The following PAX5 variants were observed in gnomAD, a reference collection of about 807,000 sequenced individuals.
The protein encoded by PAX5 is paired box protein Pax-5.
Under a neutral mutation model 43.7 loss-of-function variants are expected in PAX5, and 9 were observed. The ratio of observed to expected loss-of-function variants is 0.21; its 90% confidence interval spans 0.12 to 0.36. PAX5 has a LOEUF of 0.36. Ranked by LOEUF, PAX5 falls within the 10% of genes least tolerant of loss-of-function variation. The pLI is 1.00. For missense variants in PAX5, 383 were observed against 532.7 expected (o/e 0.72, Z 2.77); for synonymous variants, 228 against 214.3 (o/e 1.06, Z -0.56).
chr9:37,033,599 TACACACACACAC>T (rs56039556), intron 1 of PAX5, among the ~76,000 whole-genome samples: 2 of 149,276 alleles, frequency 1.3e-5, no homozygotes, highest in East Asian at 3.9e-4. Context: ...AGTATAAAGA[TACACACACACAC>T]ACACACACAC....
intron 7 of PAX5, among the ~76,000 whole-genome samples, chr9:36,890,481 A>C (rs1012474652): frequency 6.6e-6 from 1 of 152,186 alleles, no homozygotes; most frequent in Non-Finnish European, 1.5e-5. Context: ...GGAAGCCTGC[A>C]CACTCCAGGC....
In PAX5 at chr9:36,881,942, A is replaced by G. The variant is rs556519070; in HGVS notation, c.1012+62T>C. 1.6e-3 allele frequency: 1,920 copies of G among 1,198,824 alleles called. 27 individuals are homozygous for G. In the African/African-American group the frequency reaches 0.025, roughly 16 times the overall value. The allele number at this position is 1,198,824 out of a possible 1,614,324, so 74.3% of individuals were successfully genotyped here. A position where few individuals can be genotyped will look rare whatever the true frequency, so the allele number is the denominator to read the frequency against. On this transcript the variant is annotated intron_variant, in intron 8 of 9. Coordinates refer to ENST00000358127, the MANE Select transcript of PAX5 (RefSeq NM_016734.3). ...GGTCACCCAGGCTGTTTGGGGGGGG[A>G]TGTCCCCCCACCGAAACCCCGTCCG... is the stretch of plus-strand genomic sequence containing the variant.
intron 8 of PAX5, among the ~76,000 whole-genome samples, chr9:36,877,378 G>T (rs559123500): frequency 6.6e-6 from 1 of 152,120 alleles, no homozygotes; most frequent in African/African-American, 2.4e-5. Flanking sequence ...GAAAGTAGTG[G>T]CAGCTAAATG....
intron 7 of PAX5, among the ~76,000 whole-genome samples, chr9:36,899,288 A>G (rs1828158153): frequency 6.6e-6 from 1 of 152,134 alleles, no homozygotes; most frequent in Non-Finnish European, 1.5e-5. Context: ...ATGCTGCTCC[A>G]CAGCCCAGCA....
chr9:36,998,355 G>C (rs1414524570), intron 5 of PAX5, among the ~76,000 whole-genome samples: 1 of 152,208 alleles, frequency 6.6e-6, no homozygotes, highest in African/African-American at 2.4e-5. Flanking sequence ...TAGTTTGTTT[G>C]TCTTTGCTCC....
chr9:37,008,877 G>T (rs1264105514), intron 3 of PAX5, among the ~76,000 whole-genome samples: 1 of 152,212 alleles, frequency 6.6e-6, no homozygotes, highest in African/African-American at 2.4e-5. Context: ...AGTTCTGGGA[G>T]TGAGGTTCTC....
At chr9:36,932,160 C>T (rs763478754) in intron 6 of PAX5, among the ~76,000 whole-genome samples, 1 of 152,134 alleles carries the variant, frequency 6.6e-6, no homozygotes, top group Non-Finnish European at 1.5e-5. Context: ...GTAGTCCCAG[C>T]TATTTTGGAG....
chr9:36,918,009 T>C (rs917005592), intron 7 of PAX5, among the ~76,000 whole-genome samples: 3 of 152,240 alleles, frequency 2.0e-5, no homozygotes, highest in Non-Finnish European at 4.4e-5. Context: ...GTGTTCTGAC[T>C]GCTCATCACT....
At chr9:36,924,744 GAA>G (rs1563973279) in intron 6 of PAX5, among the ~76,000 whole-genome samples, 4 of 97,620 alleles carry the variant, frequency 4.1e-5, no homozygotes, top group African/African-American at 1.6e-4. Context: ...TGGAAGGAAG[GAA>G]GGAAGGAAGG....
chr9:36,994,906 C>T (rs1487759364), intron 5 of PAX5, among the ~76,000 whole-genome samples: 2 of 152,174 alleles, frequency 1.3e-5, no homozygotes, highest in Admixed American at 6.5e-5. Flanking sequence ...GCCAATTCCC[C>T]CCTGGGTTCT....
rs984035588 is a variant in PAX5 at position 36,966,614 on chromosome 9, G to A, written c.715C>T (p.Arg239Cys). 5.6e-6 allele frequency: 9 copies of A among 1,614,212 alleles called. No individual in the cohort carries two copies. Among genetic ancestry groups the A allele is most frequent in the African/African-American group, 1.3e-5 (1 of 75,058 alleles). The change falls in exon 6 of 10, where the codon CGC becomes TGC. Residue 239 changes from arginine to cysteine, a missense_variant. Physicochemically the swap from Arg to Cys is radical, Grantham distance 180. This residue lies in a region of PAX5 where 291 missense variants were observed against 342.5 expected (regional missense o/e 0.85). Transcript: ENST00000358127. ...GAGTAGTGCTGCCTCTCAAACACGC[G>A]GTCCAGCACCTCCAGCTGCTGCTGT... ...FTQQQLEVLDRVFERQHYSDI... is the reference protein window; with the variant it reads ...FTQQQLEVLDCVFERQHYSDI...
intron 6 of PAX5, among the ~76,000 whole-genome samples, chr9:36,930,216 CTT>C (rs144710055): frequency 0.24 from 19,994 of 84,700 alleles, 1,385 homozygotes; most frequent in Non-Finnish European, 0.26. Flanking sequence ...GATGGATGTC[CTT>C]TTTTTTTTTT....
intron 6 of PAX5, among the ~76,000 whole-genome samples, chr9:36,945,269 C>T (rs976001609): frequency 3.3e-5 from 5 of 151,696 alleles, no homozygotes; most frequent in African/African-American, 4.8e-5. Context: ...CAGGGTCTCA[C>T]ACTCTCACCC....
chr9:36,911,907 G>A (rs1829328182), intron 7 of PAX5, among the ~76,000 whole-genome samples: 1 of 152,208 alleles, frequency 6.6e-6, no homozygotes, highest in East Asian at 1.9e-4. Context: ...GACGCCCCAG[G>A]TCTGGAGTCC....
intron 6 of PAX5, chr9:36,930,957 G>T: frequency 1.4e-6 from 1 of 735,482 alleles, no homozygotes; most frequent in Middle Eastern, 2.7e-4. Context: ...GCCATAGCAT[G>T]GAGGAGAAAA....
chr9:36,835,485 G>A lies in PAX5; in HGVS notation c.*5075C>T. 1 of 233,066 alleles carries A rather than the reference G, an allele frequency of 4.3e-6. No individual in the cohort carries two copies. Among genetic ancestry groups the A allele is most frequent in the Non-Finnish European group, 8.5e-6 (1 of 117,888 alleles). 14.4% of individuals were successfully genotyped at this position (233,066 alleles called of 1,614,324 possible). A position where few individuals can be genotyped will look rare whatever the true frequency, so the allele number is the denominator to read the frequency against. ...CGAGGTGCAGCCGAGCTGACAGTGG[G>A]GAAGTACACATCAGCACTGTGGTTC... On this transcript the variant is annotated 3_prime_UTR_variant, in exon 10 of 10. Coordinates refer to ENST00000358127, the MANE Select transcript of PAX5 (RefSeq NM_016734.3).
Position 36,966,600 on chromosome 9 carries a change from C to A in PAX5, c.729G>T (p.Arg243Ser). 2 of 1,614,194 alleles carry A rather than the reference C, an allele frequency of 1.2e-6. No homozygotes were observed. Among genetic ancestry groups the A allele is most frequent in the Non-Finnish European group, 1.7e-6 (2 of 1,180,022 alleles). ...TGGTGAAGATGTCTGAGTAGTGCTG[C>A]CTCTCAAACACGCGGTCCAGCACCT... Reference protein sequence around the residue: ...QLEVLDRVFERQHYSDIFTTT... With the variant: ...QLEVLDRVFESQHYSDIFTTT... Residue 243 changes from arginine (R) to serine (S), a missense_variant, in exon 6 of 10, where the codon AGG becomes AGT. By Grantham distance (110) the Arg-to-Ser change is moderately radical (BLOSUM62 -1). Around this residue, in one of 5 missense-constraint regions of PAX5, gnomAD observed 291 missense variants for 342.5 expected, o/e 0.85. Coordinates refer to ENST00000358127, the MANE Select transcript of PAX5 (RefSeq NM_016734.3).
intron 5 of PAX5, among the ~76,000 whole-genome samples, chr9:36,990,231 C>A (rs1388435252): frequency 6.6e-6 from 1 of 152,158 alleles, no homozygotes; most frequent in African/African-American, 2.4e-5. Context: ...ATATAACAGT[C>A]CAATCACAAG....
intron 6 of PAX5, among the ~76,000 whole-genome samples, chr9:36,959,707 G>A (rs552058861): frequency 2.4e-4 from 36 of 152,348 alleles, no homozygotes; most frequent in African/African-American, 8.4e-4. Flanking sequence ...CTGCTTGCAT[G>A]ATCAAATTGA....
Sources: gnomAD v4.1 joint callset for allele counts (sites outside exome capture counted in the v4.1 genomes callset) on GRCh38, gnomAD v4.1.1 for gene constraint, gnomAD v4.1.1 regional missense constraint, MANE v1.5 for transcripts, NCBI Gene and HGNC (gene_info 2026-07-23, HGNC 2026-07-21) for gene names.